Variants in RFK observed in about 807,000 individuals in gnomAD.
The protein encoded by RFK is 0610038L10Rik.
Under a neutral mutation model 17.6 loss-of-function variants are expected in RFK, and 4 were observed. The observed-to-expected ratio is 0.23, with a 90% confidence interval of 0.11 to 0.52. RFK has a LOEUF of 0.52. Ranked by LOEUF, RFK falls within the 20% of genes least tolerant of loss-of-function variation. The probability of loss-of-function intolerance (pLI) is 0.96; values close to 1 mark genes in which losing one functional copy is unlikely to be tolerated. For missense variants in RFK, 189 were observed against 187.7 expected, an observed-to-expected ratio of 1.01 and a Z score of -0.04; for synonymous variants, 59 against 63.8, an observed-to-expected ratio of 0.92 and a Z score of 0.36.
At chr9:76,391,231 TGTA>T (rs1822816317) in intron 2 of RFK, among the ~76,000 whole-genome samples, 1 of 152,258 alleles carries the variant, frequency 6.6e-6, no homozygotes, top group South Asian at 2.1e-4. Flanking sequence ...CATTTAGCTC[TGTA>T]GTTTTCCAGC....
chr9:76,394,188 G>T lies in RFK; in HGVS notation c.-17C>A, dbSNP rs746626841. 6.3e-7 allele frequency: 1 copy of T among 1,582,034 alleles called. No homozygotes were observed. The highest frequency in any genetic ancestry group is 1.2e-5 in the South Asian group (1 of 86,678). ...GTGCCTCATAATGCAGTCCGCTCGG[G>T]GAATGGGCTGCGGCCCGGTCTGCGC... On this transcript the variant is annotated 5_prime_UTR_variant, in exon 1 of 4. Transcript: ENST00000376736.
At chr9:76,387,747 C>T (rs1450357466) in intron 3 of RFK, 4 of 404,000 alleles carry the variant, frequency 9.9e-6, no homozygotes, top group Non-Finnish European at 1.8e-5. Context: ...TGCCTGTAAT[C>T]CCAGCACTTT....
Position 76,385,837 on chromosome 9 carries a change from A to C in RFK, c.*1562T>G, listed in dbSNP as rs1398627581. On this transcript the variant is annotated 3_prime_UTR_variant, in exon 4 of 4. Coordinates refer to ENST00000376736, the MANE Select transcript of RFK (RefSeq NM_018339.6). ...AACTTTACTTCATAAAGCCACTGAT[A>C]ATTGAGGTTTCTTTCAAGTATAAGA... 2.6e-5 allele frequency: 4 copies of C among 152,206 alleles called. No individual in the cohort carries two copies. Among genetic ancestry groups the C allele is most frequent in the Admixed American group, 2.6e-4 (4 of 15,280 alleles). The allele number at this position is 152,206 out of a possible 1,614,324, so 9.4% of individuals were successfully genotyped here. A position where few individuals can be genotyped will look rare whatever the true frequency, so the allele number is the denominator to read the frequency against.
intron 3 of RFK, chr9:76,388,262 C>G (rs540249383): frequency 7.5e-6 from 4 of 534,538 alleles, no homozygotes; most frequent in Non-Finnish European, 1.4e-5. Flanking sequence ...TAACTTCATA[C>G]CGCTGGAGAG....
rs750435495 is a variant in RFK at position 76,394,128 on chromosome 9, C to T, written c.44G>A (p.Gly15Asp). 1 of 1,609,660 alleles carries T rather than the reference C, an allele frequency of 6.2e-7. No homozygotes were observed. Reference sequence around the variant, plus strand: ...CAGCTGCTTGGAGCCGCGGCCGAAGCCCCGCACCACTTGACCCCGGCAGAA... The same window carrying T: ...CAGCTGCTTGGAGCCGCGGCCGAAGTCCCGCACCACTTGACCCCGGCAGAA... ...PYFCRGQVVR[G>D]FGRGSKQLGI... Residue 15 changes from glycine (G) to aspartate (D), a missense_variant, in exon 1 of 4, where the codon GGC (glycine) becomes GAC (aspartate). This residue lies in a region of RFK where 90 missense variants were observed against 75.4 expected (regional missense o/e 1.19). Coordinates refer to ENST00000376736, the MANE Select transcript of RFK (RefSeq NM_018339.6).
At position 76,386,042 on chromosome 9, in the gene RFK, A is replaced by G. The variant is rs953941283; in HGVS notation, c.*1357T>C. ...ATTCATTTATGCAGATTAGGGGAAAATGATTCATAATAAATTAACTTTAAA... is the reference window on the plus strand; with the variant it reads ...ATTCATTTATGCAGATTAGGGGAAAGTGATTCATAATAAATTAACTTTAAA... On this transcript the variant is annotated 3_prime_UTR_variant, in exon 4 of 4. Transcript: ENST00000376736. The G allele has an allele frequency of 4.6e-5, 7 of 152,144 alleles. No individual in the cohort carries two copies. The highest frequency in any genetic ancestry group is 3.3e-4 in the Admixed American group (5 of 15,274). 9.4% of individuals were successfully genotyped at this position (152,144 alleles called of 1,614,324 possible).
At chr9:76,392,282 C>T (rs1433507203) in intron 2 of RFK, 136 bp downstream of exon 2, 1 of 812,832 alleles carries the variant, frequency 1.2e-6, no homozygotes, top group Non-Finnish European at 1.9e-6. Flanking sequence ...AATTAAAAGA[C>T]AGAGATTGCC....
At position 76,387,695 on chromosome 9, in the gene RFK, G is replaced by C. The variant is rs953564261; in HGVS notation, c.338-166C>G. ...TCACTCCTTCCAGGCCTAAGTCAATGGTACACAAAAGATATGTCCCTAGGC... is the reference window on the plus strand; with the variant it reads ...TCACTCCTTCCAGGCCTAAGTCAATCGTACACAAAAGATATGTCCCTAGGC... On this transcript the variant is annotated intron_variant, in intron 3 of 3. Transcript: ENST00000376736. 3 of 601,312 alleles carry C rather than the reference G, an allele frequency of 5.0e-6. No individual in the cohort carries two copies. The Admixed American group carries it at 9.5e-5, about 19-fold the overall frequency. 37.2% of individuals were successfully genotyped at this position (601,312 alleles called of 1,614,324 possible). A position where few individuals can be genotyped will look rare whatever the true frequency, so the allele number is the denominator to read the frequency against.
rs1398386704 is a variant in RFK, at chr9:76,385,535, GT to G, written c.*1863del. ...ACAGGGAAAGAAAAAATATCACTTA[GT>G]CAAAATTTATTTCAAGGCCTGAAAA... On this transcript the variant is annotated 3_prime_UTR_variant, in exon 4 of 4. Transcript: ENST00000376736. 2 of 152,162 alleles carry G rather than the reference GT, an allele frequency of 1.3e-5. No homozygotes were observed. The highest frequency in any genetic ancestry group is 4.8e-5 in the African/African-American group (2 of 41,430). The allele number at this position is 152,162 out of a possible 1,614,324, so 9.4% of individuals were successfully genotyped here.
chr9:76,393,477 G>A (rs1255060095), intron 1 of RFK, among the ~76,000 whole-genome samples: 1 of 152,144 alleles, frequency 6.6e-6, no homozygotes, highest in African/African-American at 2.4e-5. Flanking sequence ...AAAGTGCTGG[G>A]ATTACAGGCG....
chr9:76,387,699 C>T lies in RFK; in HGVS notation c.338-170G>A, dbSNP rs143127211. ...TCCTTCCAGGCCTAAGTCAATGGTA[C>T]ACAAAAGATATGTCCCTAGGCCGGG... On this transcript the variant is annotated intron_variant, in intron 3 of 3. Coordinates refer to ENST00000376736, the MANE Select transcript of RFK (RefSeq NM_018339.6). 562 of 589,128 alleles carry T rather than the reference C, an allele frequency of 9.5e-4. 2 individuals carry two copies. In the African/African-American group the frequency reaches 9.6e-3, roughly 10 times the overall value. 36.5% of individuals were successfully genotyped at this position (589,128 alleles called of 1,614,324 possible).
chr9:76,391,807 T>C (rs1400878004), intron 2 of RFK, among the ~76,000 whole-genome samples: 2 of 152,124 alleles, frequency 1.3e-5, no homozygotes, highest in African/African-American at 4.8e-5. Context: ...CATGTACCTA[T>C]AGTCCCAGCT....
At chr9:76,389,538 T>A (rs1185289435) in intron 2 of RFK, among the ~76,000 whole-genome samples, 2 of 152,132 alleles carry the variant, frequency 1.3e-5, no homozygotes, top group Admixed American at 1.3e-4. Context: ...GCCAGGAGGA[T>A]CACTTGAGGT....
rs1022189586 is a variant in RFK, at chr9:76,394,276, G to A, written c.-105C>T. ...CGGACCAGCCGGGGGACAGGAGCGT[G>A]AGCTCTGCCTGCCGCGGGGGCGCAC... is the stretch of plus-strand genomic sequence containing the variant. On this transcript the variant is annotated 5_prime_UTR_variant, in exon 1 of 4. Coordinates refer to ENST00000376736, the MANE Select transcript of RFK (RefSeq NM_018339.6). The A allele has an allele frequency of 2.6e-6, 3 of 1,164,026 alleles. No homozygotes were observed. Among genetic ancestry groups the A allele is most frequent in the Non-Finnish European group, 3.5e-6 (3 of 847,992 alleles). 72.1% of individuals were successfully genotyped at this position (1,164,026 alleles called of 1,614,324 possible).
At chr9:76,391,299 T>A (rs1822817170) in intron 2 of RFK, among the ~76,000 whole-genome samples, 2 of 152,252 alleles carry the variant, frequency 1.3e-5, no homozygotes. Context: ...AGCTTCACTG[T>A]AATTTGTTTT....
intron 1 of RFK, 78 bp from the exon 2 acceptor site, chr9:76,392,647 C>G: frequency 7.0e-7 from 1 of 1,437,394 alleles, no homozygotes; most frequent in Non-Finnish European, 9.6e-7. Flanking sequence ...TGGCTCATGT[C>G]TGTAATTCTA....
rs1822731902 is a variant in RFK at position 76,386,356 on chromosome 9, A to C, written c.*1043T>G. The C allele has an allele frequency of 6.6e-6, 1 of 152,202 alleles. No homozygotes were observed. Among genetic ancestry groups the C allele is most frequent in the Non-Finnish European group, 1.5e-5 (1 of 68,044 alleles). The allele number at this position is 152,202 out of a possible 1,614,324, so 9.4% of individuals were successfully genotyped here. ...TAATTTCAAGGCCTTAAATATTAAA[A>C]ATAATTTTATAACTATTTCATAGTT... On this transcript the variant is annotated 3_prime_UTR_variant, in exon 4 of 4. Coordinates refer to ENST00000376736, the MANE Select transcript of RFK (RefSeq NM_018339.6).
At chr9:76,389,554 G>A (rs1408358290) in intron 2 of RFK, among the ~76,000 whole-genome samples, 1 of 152,170 alleles carries the variant, frequency 6.6e-6, no homozygotes. Context: ...GAGGTCAAGA[G>A]TTCAAGACCA....
intron 2 of RFK, among the ~76,000 whole-genome samples, chr9:76,391,785 T>C (rs999890298): frequency 1.7e-4 from 26 of 152,324 alleles, no homozygotes; most frequent in African/African-American, 6.0e-4. Flanking sequence ...CTGAGCCAGA[T>C]GCAGGCAGTG....
Sources: gnomAD v4.1 joint callset for allele counts (sites outside exome capture counted in the v4.1 genomes callset) on GRCh38, gnomAD v4.1.1 for gene constraint, gnomAD v4.1.1 regional missense constraint, MANE v1.5 for transcripts, NCBI Gene and HGNC (gene_info 2026-07-23, HGNC 2026-07-21) for gene names.